The following NEK7 variants were observed in gnomAD, a reference collection of about 807,000 sequenced individuals.
The protein encoded by NEK7 is NIMA related kinase 7.
A neutral mutation model predicts 44.6 loss-of-function variants in NEK7; 18 were observed. The observed-to-expected ratio is 0.40, with a 90% confidence interval of 0.28 to 0.60. The LOEUF (loss-of-function observed/expected upper bound fraction) is 0.60. NEK7 is among the 20% of genes least tolerant of loss of function. The pLI, the probability that NEK7 is intolerant of heterozygous loss-of-function variation, is 0.38. For synonymous variants in NEK7, 130 were observed against 121.1 expected (o/e 1.07, Z -0.48); for missense variants, 256 against 366.5 (o/e 0.70, Z 2.46).
chr1:198,282,234 G>A (rs1654223480), intron 7 of NEK7, among the ~76,000 whole-genome samples: 1 of 151,996 alleles, frequency 6.6e-6, no homozygotes, highest in Admixed American at 6.6e-5. Context: ...TTCCACTAGA[G>A]TTATCTTCCT....
At chr1:198,220,458 C>G (rs184437795) in intron 1 of NEK7, among the ~76,000 whole-genome samples, 2 of 152,154 alleles carry the variant, frequency 1.3e-5, no homozygotes, top group Admixed American at 1.3e-4. Flanking sequence ...ATACTAGAAA[C>G]ATTCATGGTT....
intron 9 of NEK7, among the ~76,000 whole-genome samples, chr1:198,301,297 T>TC (rs1456699142): frequency 2.6e-5 from 4 of 152,236 alleles, no homozygotes. Context: ...ACGCCTGTAG[T>TC]CCCAGCACTT....
chr1:198,287,565 G>A (rs558747089), intron 7 of NEK7, among the ~76,000 whole-genome samples: 1 of 152,004 alleles, frequency 6.6e-6, no homozygotes, highest in South Asian at 2.1e-4. Flanking sequence ...TTATTGCATT[G>A]TAATTTACAT....
chr1:198,191,576 TC>T (rs1256358465), intron 1 of NEK7, among the ~76,000 whole-genome samples: 6 of 152,066 alleles, frequency 3.9e-5, no homozygotes, highest in Non-Finnish European at 8.8e-5. Context: ...CTGTGACTTT[TC>T]TTTGTACTTT....
intron 5 of NEK7, among the ~76,000 whole-genome samples, chr1:198,273,183 AG>A (rs1653907301): frequency 6.6e-6 from 1 of 151,830 alleles, no homozygotes; most frequent in South Asian, 2.1e-4. Context: ...ATGAGATGCT[AG>A]TGATAAGTAT....
At chr1:198,275,856 C>A (rs2102976681) in intron 5 of NEK7, among the ~76,000 whole-genome samples, 1 of 151,222 alleles carries the variant, frequency 6.6e-6, no homozygotes, top group East Asian at 1.9e-4. Flanking sequence ...AAAAAACAAA[C>A]CCCCAAAACC....
intron 1 of NEK7, among the ~76,000 whole-genome samples, chr1:198,181,028 T>C (rs1386583511): frequency 6.6e-6 from 1 of 152,122 alleles, no homozygotes; most frequent in Non-Finnish European, 1.5e-5. Context: ...CCATTTTCTA[T>C]AGTTTTCCTA....
At chr1:198,242,401 C>CTT (rs111872515) in intron 2 of NEK7, among the ~76,000 whole-genome samples, 11 of 134,202 alleles carry the variant, frequency 8.2e-5, no homozygotes, top group Middle Eastern at 3.8e-3. Context: ...CTTTCTTTTT[C>CTT]TTTTTTTTTT....
chr1:198,193,122 G>A (rs1665127935), intron 1 of NEK7, among the ~76,000 whole-genome samples: 2 of 151,634 alleles, frequency 1.3e-5, no homozygotes, highest in South Asian at 4.2e-4. Context: ...ATAATAAGGG[G>A]AATATCACCA....
At chr1:198,169,998 A>C (rs762850155) in intron 1 of NEK7, among the ~76,000 whole-genome samples, 20 of 152,202 alleles carry the variant, frequency 1.3e-4, no homozygotes, top group Non-Finnish European at 2.1e-4. Flanking sequence ...GCAGTAAGGG[A>C]ATGCCCAGAA....
intron 3 of NEK7, among the ~76,000 whole-genome samples, chr1:198,256,732 A>T (rs1653279712): frequency 6.6e-6 from 1 of 152,206 alleles, no homozygotes; most frequent in African/African-American, 2.4e-5. Flanking sequence ...ACATAATGAG[A>T]TAGGCACTCA....
In NEK7 at chr1:198,209,623, C is replaced by G. The variant is rs183330851; in HGVS notation, c.-28-22930C>G. ...TTATATTTCATACATTTTAAAATATCACTAAAACATTTAATTTTTCTTTCT... is the reference window on the plus strand; with the variant it reads ...TTATATTTCATACATTTTAAAATATGACTAAAACATTTAATTTTTCTTTCT... On this transcript the variant is annotated intron_variant, in intron 1 of 9. Coordinates refer to ENST00000367385, the MANE Select transcript of NEK7 (RefSeq NM_133494.3). 2.0e-5 allele frequency among the ~76,000 whole-genome samples: 3 copies of G among 152,062 alleles called. No homozygotes were observed. In the East Asian group the frequency reaches 5.8e-4, roughly 29 times the overall value.
intron 1 of NEK7, among the ~76,000 whole-genome samples, chr1:198,182,654 C>T (rs1282001324): frequency 6.6e-6 from 1 of 152,154 alleles, no homozygotes; most frequent in Non-Finnish European, 1.5e-5. Context: ...GAAACTGTTA[C>T]TTTCAAACTC....
At chr1:198,227,135 T>TG (rs1331023209) in intron 1 of NEK7, among the ~76,000 whole-genome samples, 2 of 152,152 alleles carry the variant, frequency 1.3e-5, no homozygotes, top group Non-Finnish European at 2.9e-5. Context: ...TTTTTGTCCT[T>TG]GCGATAGTTT....
At chr1:198,160,458 C>A (rs371972967) in intron 1 of NEK7, among the ~76,000 whole-genome samples, 19 of 152,184 alleles carry the variant, frequency 1.2e-4, no homozygotes, top group South Asian at 8.3e-4. Flanking sequence ...AGTGTTTACC[C>A]CTTCGAATTT....
At chr1:198,317,946 T>TAGATCACAC (rs1655424581) in intron 9 of NEK7, among the ~76,000 whole-genome samples, 1 of 148,636 alleles carries the variant, frequency 6.7e-6, no homozygotes. Flanking sequence ...AAATTTCTCT[T>TAGATCACAC]AGATCACCAT....
At chr1:198,304,302 C>A (rs951317274) in intron 9 of NEK7, among the ~76,000 whole-genome samples, 1 of 152,190 alleles carries the variant, frequency 6.6e-6, no homozygotes, top group African/African-American at 2.4e-5. Flanking sequence ...AGATTACTTT[C>A]TTTTCCCTTT....
At chr1:198,176,846 T>C (rs1317935493) in intron 1 of NEK7, among the ~76,000 whole-genome samples, 1 of 151,986 alleles carries the variant, frequency 6.6e-6, no homozygotes, top group Non-Finnish European at 1.5e-5. Flanking sequence ...TGCCATTCAC[T>C]AAGAAAGGAA....
intron 1 of NEK7, among the ~76,000 whole-genome samples, chr1:198,210,741 CTTTTTTTTTTTTT>C (rs140181207): frequency 2.3e-4 from 13 of 57,536 alleles, no homozygotes; most frequent in African/African-American, 6.5e-4. Context: ...ATTTGTATTT[CTTTTTTTTTTTTT>C]TTTTTTTTTT....
Sources: allele counts gnomAD v4.1 joint callset (sites outside exome capture counted in the v4.1 genomes callset), GRCh38; gene constraint gnomAD v4.1.1; transcripts MANE v1.5; gene names NCBI Gene and HGNC (gene_info 2026-07-23, HGNC 2026-07-21).